The following DIAPH2 variants were observed in gnomAD, a reference collection of about 807,000 sequenced individuals.
The protein encoded by DIAPH2 is diaphanous related formin 2.
In DIAPH2, 35 loss-of-function variants were observed where a neutral mutation model predicts 92.7. The ratio of observed to expected loss-of-function variants is 0.38; its 90% confidence interval spans 0.29 to 0.50. DIAPH2 has a LOEUF of 0.50. DIAPH2 is among the 20% of genes least tolerant of loss of function. The pLI is 0.94. For missense variants in DIAPH2, 701 were observed against 819.5 expected (o/e 0.86, Z 1.77); for synonymous variants, 301 against 280.4 (o/e 1.07, Z -0.73).
chrX:97,156,513 T>C (rs2067324242), intron 22 of DIAPH2, among the ~76,000 whole-genome samples: 1 of 112,337 alleles, frequency 8.9e-6, no homozygotes, highest in East Asian at 2.8e-4. Context: ...TTTAACTCTT[T>C]CATTGTACTG....
chrX:96,874,157 AG>A (rs200005523), intron 4 of DIAPH2, among the ~76,000 whole-genome samples: 1,460 of 112,062 alleles, frequency 0.013, 13 homozygotes, highest in Non-Finnish European at 0.02. Flanking sequence ...AAGAAGTACT[AG>A]ATTTAAGTAA....
chrX:96,804,037 T>C (rs947365796), intron 4 of DIAPH2, among the ~76,000 whole-genome samples: 4 of 111,666 alleles, frequency 3.6e-5, no homozygotes, highest in African/African-American at 1.3e-4. Flanking sequence ...AAAAATTTCC[T>C]GTGCTTTCTA....
intron 20 of DIAPH2, among the ~76,000 whole-genome samples, chrX:97,110,494 A>G (rs868631295): frequency 2.4e-4 from 27 of 111,897 alleles, no homozygotes; most frequent in African/African-American, 8.1e-4. Context: ...TAGTAATCCA[A>G]GCTTGAAGTA....
intron 26 of DIAPH2, among the ~76,000 whole-genome samples, chrX:97,458,085 T>C (rs2070423838): frequency 9.0e-6 from 1 of 111,061 alleles, no homozygotes; most frequent in Non-Finnish European, 1.9e-5. Flanking sequence ...GTCTTGGAAG[T>C]GATATAACAA....
In DIAPH2 at chrX:97,096,308, G is replaced by C. The variant is rs770315940; in HGVS notation, c.2248-3386G>C. ...CAAAAGCTATTTTAATTTTTTTTAA[G>C]TACAGAGTTTTGGGGCAATATGAAT... On this transcript the variant is annotated intron_variant, in intron 19 of 26. Transcript: ENST00000324765. 2.7e-5 allele frequency among the ~76,000 whole-genome samples: 3 copies of C among 111,926 alleles called. No homozygotes were observed. In the East Asian group the frequency reaches 8.4e-4, roughly 31 times the overall value.
At chrX:97,567,271 A>C (rs1175512021) in intron 26 of DIAPH2, among the ~76,000 whole-genome samples, 1 of 112,003 alleles carries the variant, frequency 8.9e-6, no homozygotes, top group African/African-American at 3.2e-5. Context: ...AAATCCTGAC[A>C]ATCTGCATTT....
At chrX:97,364,759 G>GTTTTTTTTTGTTTTTTTTTTTTT (rs1279508605) in intron 24 of DIAPH2, among the ~76,000 whole-genome samples, 7 of 56,591 alleles carry the variant, frequency 1.2e-4, no homozygotes, top group African/African-American at 3.5e-4. Context: ...GTCTCCTGGT[G>GTTTTTTTTTGTTTTTTTTTTTTT]TTTTTTTTTT....
intron 22 of DIAPH2, among the ~76,000 whole-genome samples, chrX:97,161,051 G>T (rs796631990): frequency 7.3e-4 from 65 of 88,873 alleles, no homozygotes; most frequent in South Asian, 5.6e-3. Context: ...TTGTTTTTTT[G>T]TTTTTTTTTT....
chrX:97,370,956 T>C (rs1307058965), intron 24 of DIAPH2, among the ~76,000 whole-genome samples: 1 of 112,062 alleles, frequency 8.9e-6, no homozygotes, highest in Non-Finnish European at 1.9e-5. Context: ...ACCAATCTTC[T>C]AACTTTACAG....
intron 25 of DIAPH2, among the ~76,000 whole-genome samples, chrX:97,421,768 T>G (rs138037663): frequency 5.0e-3 from 555 of 111,681 alleles, no homozygotes; most frequent in Middle Eastern, 0.023. Flanking sequence ...GTCACTGTCC[T>G]GTTGAAGATC....
chrX:97,118,202 A>G (rs1016714909), intron 21 of DIAPH2, among the ~76,000 whole-genome samples: 1 of 111,947 alleles, frequency 8.9e-6, no homozygotes, highest in African/African-American at 3.2e-5. Flanking sequence ...AAAGAACAGC[A>G]ACTGTGACAG....
intron 9 of DIAPH2, among the ~76,000 whole-genome samples, chrX:96,923,504 C>T (rs1363315052): frequency 8.9e-6 from 1 of 112,205 alleles, no homozygotes; most frequent in Admixed American, 9.4e-5. Context: ...AAGTAAGCCT[C>T]ATGGTGAGAA....
intron 26 of DIAPH2, among the ~76,000 whole-genome samples, chrX:97,514,542 G>A (rs1157548924): frequency 6.3e-5 from 7 of 111,953 alleles, no homozygotes; most frequent in South Asian, 3.7e-4. Context: ...GCTTTGTTCC[G>A]TTGCTGGTGA....
intron 4 of DIAPH2, chrX:96,763,087 C>G: frequency 1.0e-6 from 1 of 960,672 alleles, no homozygotes. Flanking sequence ...TCTTCGTTGA[C>G]CACTGCATGC....
intron 26 of DIAPH2, among the ~76,000 whole-genome samples, chrX:97,441,202 G>C (rs138467818): frequency 0.011 from 1,223 of 110,197 alleles, 15 homozygotes; most frequent in African/African-American, 0.039. Flanking sequence ...GATCACCTGA[G>C]GTCGGGAGTT....
intron 4 of DIAPH2, among the ~76,000 whole-genome samples, chrX:96,797,312 C>T (rs1389634301): frequency 9.0e-6 from 1 of 110,584 alleles, no homozygotes; most frequent in Non-Finnish European, 1.9e-5. Flanking sequence ...GAAACCCCGT[C>T]TCTACTAAAA....
At chrX:96,763,390 C>T (rs2064281136) in intron 4 of DIAPH2, among the ~76,000 whole-genome samples, 1 of 110,615 alleles carries the variant, frequency 9.0e-6, no homozygotes, top group Admixed American at 9.6e-5. Flanking sequence ...ATGCCTGTGT[C>T]AGTCTTTATG....
In DIAPH2 at chrX:97,603,487, T is replaced by C. The variant is rs1319240249; in HGVS notation, c.*4170T>C. 1 of 111,444 alleles carries C rather than the reference T, an allele frequency of 9.0e-6. No individual in the cohort carries two copies. Among genetic ancestry groups the C allele is most frequent in the Non-Finnish European group, 1.9e-5 (1 of 53,111 alleles). 9.2% of individuals were successfully genotyped at this position (111,444 alleles called of 1,213,427 possible). On this transcript the variant is annotated 3_prime_UTR_variant, in exon 27 of 27. Coordinates refer to ENST00000324765, the MANE Select transcript of DIAPH2 (RefSeq NM_006729.5). ...GTTGTCCAGGCTGCTCTCGAACTCC[T>C]AGCCTCAAGCAATCCACCCATCTTG...
chrX:96,694,345 ATT>A (rs747054500), intron 1 of DIAPH2, among the ~76,000 whole-genome samples: 6 of 99,088 alleles, frequency 6.1e-5, no homozygotes, highest in Non-Finnish European at 8.2e-5. Flanking sequence ...TCTAGGCTGC[ATT>A]TTTTTTTTTT....
Sources: gnomAD v4.1 joint callset for allele counts (sites outside exome capture counted in the v4.1 genomes callset) on GRCh38, gnomAD v4.1.1 for gene constraint, MANE v1.5 for transcripts, NCBI Gene and HGNC (gene_info 2026-07-23, HGNC 2026-07-21) for gene names.